Variants in SIL1 observed in about 807,000 individuals in gnomAD.
The protein encoded by SIL1 is SIL1 nucleotide exchange factor, also known as nucleotide exchange factor SIL1.
SIL1 carries 40 observed loss-of-function variants against 49.1 expected under a neutral mutation model. That is an observed-to-expected ratio of 0.81 (90% CI 0.63 to 1.06). The LOEUF (loss-of-function observed/expected upper bound fraction) is 1.06, where lower values mean the gene tolerates loss of function less well. Ranked by LOEUF, SIL1 falls within the 50% of genes least tolerant of loss-of-function variation. The probability of loss-of-function intolerance (pLI) is 0.00; values close to 1 mark genes in which losing one functional copy is unlikely to be tolerated. For missense variants in SIL1, 500 were observed against 572.6 expected (o/e 0.87, Z 1.29); for synonymous variants, 253 against 250.8 (o/e 1.01, Z -0.08).
chr5:138,986,329 GTC>G (rs921209354), intron 7 of SIL1, among the ~76,000 whole-genome samples: 3 of 152,192 alleles, frequency 2.0e-5, no homozygotes, highest in Non-Finnish European at 4.4e-5. Flanking sequence ...CTCCAGATGT[GTC>G]TCTGAGTTTC....
At chr5:139,115,490 C>T (rs957474707) in intron 3 of SIL1, among the ~76,000 whole-genome samples, 4 of 152,130 alleles carry the variant, frequency 2.6e-5, no homozygotes, top group African/African-American at 9.7e-5. Context: ...CCACTCTGAC[C>T]TCAGGGGAGG....
chr5:139,192,997 CAAAAAAAAAAAAAAAAA>C (rs60150903), intron 1 of SIL1, among the ~76,000 whole-genome samples: 3 of 79,028 alleles, frequency 3.8e-5, no homozygotes, highest in East Asian at 7.9e-4. Context: ...AACTCAGTCT[CAAAAAAAAAAAAAAAAA>C]AAAAAAAAAA....
At chr5:139,157,823 G>A (rs929710910) in intron 1 of SIL1, among the ~76,000 whole-genome samples, 6 of 152,098 alleles carry the variant, frequency 3.9e-5, no homozygotes, top group Admixed American at 2.0e-4. Context: ...ATAGCAAAGG[G>A]GAAGACTTGG....
rs1238686201 is a variant in SIL1 at position 139,068,145 on chromosome 5, C to A, written c.245-17099G>T. Among the ~76,000 whole-genome samples the A allele has an allele frequency of 2.6e-5, 4 of 152,218 alleles. No individual in the cohort carries two copies. The South Asian group carries it at 6.2e-4, about 24-fold the overall frequency. ...TGTGGCAAAAGCAACGTCGTCTAAT[C>A]TACCAAATCCTCACATAAAAACAGA... On this transcript the variant is annotated intron_variant, in intron 3 of 9. Transcript: ENST00000394817.
At chr5:139,016,481 G>A (rs547348982) in intron 7 of SIL1, among the ~76,000 whole-genome samples, 14 of 152,150 alleles carry the variant, frequency 9.2e-5, no homozygotes, top group Non-Finnish European at 1.9e-4. Flanking sequence ...CATTATGGGA[G>A]AAAATGAAAA....
At chr5:139,150,682 A>G (rs746276047) in intron 1 of SIL1, among the ~76,000 whole-genome samples, 2 of 152,186 alleles carry the variant, frequency 1.3e-5, no homozygotes, top group Non-Finnish European at 2.9e-5. Context: ...AAGGCTCTCA[A>G]TAAAAGCCAC....
intron 3 of SIL1, among the ~76,000 whole-genome samples, chr5:139,062,303 T>A (rs576086158): frequency 8.5e-5 from 13 of 152,312 alleles, no homozygotes; most frequent in Admixed American, 8.5e-4. Context: ...ATTTATGTAT[T>A]TTTTAGAAGG....
At chr5:139,029,655 C>T (rs1361793406) in intron 5 of SIL1, among the ~76,000 whole-genome samples, 13 of 151,830 alleles carry the variant, frequency 8.6e-5, no homozygotes, top group Non-Finnish European at 1.2e-4. Flanking sequence ...CAAGTCACCA[C>T]GCCTGGCTAA....
chr5:139,033,312 T>C (rs1307985889), intron 5 of SIL1, among the ~76,000 whole-genome samples: 3 of 152,098 alleles, frequency 2.0e-5, no homozygotes, highest in African/African-American at 4.8e-5. Context: ...TCAGTCTTGA[T>C]AGAAGTTTAT....
intron 7 of SIL1, among the ~76,000 whole-genome samples, chr5:138,971,623 G>T (rs1249860520): frequency 6.6e-6 from 1 of 152,180 alleles, no homozygotes; most frequent in African/African-American, 2.4e-5. Flanking sequence ...CAAGAGCGGG[G>T]ATGAGGCTCA....
At chr5:138,971,901 C>T (rs1294674394) in intron 7 of SIL1, among the ~76,000 whole-genome samples, 1 of 152,172 alleles carries the variant, frequency 6.6e-6, no homozygotes, top group Non-Finnish European at 1.5e-5. Context: ...ACTCTTCTAA[C>T]ATCCTCACTG....
chr5:139,170,292 G>A (rs532196561), intron 1 of SIL1, among the ~76,000 whole-genome samples: 32 of 151,890 alleles, frequency 2.1e-4, no homozygotes, highest in African/African-American at 7.0e-4. Context: ...CCGCCACCCC[G>A]TCTGGGAAGT....
chr5:139,028,391 G>A (rs11242441), intron 5 of SIL1, among the ~76,000 whole-genome samples: 39,476 of 151,844 alleles, frequency 0.26, 6,037 homozygotes, highest in Middle Eastern at 0.4. Flanking sequence ...CCAGCTACTC[G>A]GGAGGCTGAG....
chr5:138,951,114 C>T, intron 9 of SIL1, 57 bp downstream of exon 9: 1 of 1,570,488 alleles, frequency 6.4e-7, no homozygotes, highest in Non-Finnish European at 8.7e-7. Context: ...TCTGTCCATC[C>T]ACCCAGAAGC....
rs568777417 is a variant in SIL1, at chr5:139,086,554, C to T, written c.244+34481G>A. On this transcript the variant is annotated intron_variant, in intron 3 of 9. Coordinates refer to ENST00000394817, the MANE Select transcript of SIL1 (RefSeq NM_022464.5). ...TTTGTTTTTAGTAGAGATGGGGTTT[C>T]ACCAGTTGGCCAGGCTGGTCTCGAA... Among the ~76,000 whole-genome samples, 7 of 151,922 alleles carry T rather than the reference C, an allele frequency of 4.6e-5. 1 individual carries two copies. Among genetic ancestry groups the T allele is most frequent in the African/African-American group, 1.7e-4 (7 of 41,528 alleles).
At chr5:138,972,906 G>T (rs1472954172) in intron 7 of SIL1, among the ~76,000 whole-genome samples, 2 of 152,202 alleles carry the variant, frequency 1.3e-5, no homozygotes, top group Admixed American at 1.3e-4. Flanking sequence ...CCTCAGGCAA[G>T]GGGGACAGAG....
intron 3 of SIL1, among the ~76,000 whole-genome samples, chr5:139,053,636 T>C (rs1396429654): frequency 6.6e-6 from 1 of 152,182 alleles, no homozygotes; most frequent in Non-Finnish European, 1.5e-5. Context: ...ATTCCTGTGC[T>C]CTAGGCACAC....
At position 138,978,841 on chromosome 5, in the gene SIL1, T is replaced by C. The variant is rs184764372; in HGVS notation, c.768-26957A>G. 4.3e-3 allele frequency among the ~76,000 whole-genome samples: 659 copies of C among 152,344 alleles called. 3 individuals carry two copies. The highest frequency in any genetic ancestry group is 7.1e-3 in the Non-Finnish European group (484 of 68,040). Reference sequence around the variant, plus strand: ...TTGTCTGGACAGCTGTCCATTCAGATCCTTTGCCTATTTTTTAATTGGGTT... The same window carrying C: ...TTGTCTGGACAGCTGTCCATTCAGACCCTTTGCCTATTTTTTAATTGGGTT... On this transcript the variant is annotated intron_variant, in intron 7 of 9. Transcript: ENST00000394817.
At chr5:138,963,690 C>G (rs886459643) in intron 7 of SIL1, among the ~76,000 whole-genome samples, 2 of 152,156 alleles carry the variant, frequency 1.3e-5, no homozygotes, top group Non-Finnish European at 2.9e-5. Context: ...ATATGGTGAA[C>G]CATCCAAATA....
Sources: allele counts gnomAD v4.1 joint callset (sites outside exome capture counted in the v4.1 genomes callset), GRCh38; gene constraint gnomAD v4.1.1; transcripts MANE v1.5; gene names NCBI Gene and HGNC (gene_info 2026-07-23, HGNC 2026-07-21).